Variants in GYG1 observed in about 807,000 individuals in gnomAD.
GYG1 encodes the protein glycogenin 1, also known as glycogenin-1.
A neutral mutation model predicts 41.9 loss-of-function variants in GYG1; 44 were observed. The observed-to-expected ratio is 1.05, with a 90% CI of 0.83 to 1.35. The LOEUF is 1.35. GYG1 is among the 40% of genes most tolerant of loss of function. GYG1 has a pLI of 0.00. For missense variants in GYG1, 429 were observed against 418.9 expected (o/e 1.02, Z -0.21); for synonymous variants, 141 against 158.1 (o/e 0.89, Z 0.81).
chr3:149,005,077 G>A (rs1713315282), intron 4 of GYG1, among the ~76,000 whole-genome samples: 1 of 152,182 alleles, frequency 6.6e-6, no homozygotes, highest in Admixed American at 6.5e-5. Context: ...GTCATTTTAA[G>A]TGGAATTGCT....
intron 4 of GYG1, among the ~76,000 whole-genome samples, chr3:149,002,718 A>G (rs1157563701): frequency 6.6e-6 from 1 of 152,126 alleles, no homozygotes; most frequent in Non-Finnish European, 1.5e-5. Flanking sequence ...ATTTTGTAGG[A>G]AGTTAGTTTT....
intron 5 of GYG1, among the ~76,000 whole-genome samples, chr3:149,023,373 T>C (rs564822292): frequency 1.3e-5 from 2 of 152,338 alleles, no homozygotes; most frequent in South Asian, 2.1e-4. Flanking sequence ...TTGTTTCCAG[T>C]TTTTGACTAT....
In GYG1 at chr3:149,030,587, T is replaced by C. The variant is rs965433962; in HGVS notation, c.*3654T>C. ...GTTTATACTTAATCTCACTGAAGTA[T>C]TGCTATATGGAGAACCCATACTCTG... is the stretch of plus-strand genomic sequence containing the variant. On this transcript the variant is annotated 3_prime_UTR_variant, in exon 8 of 8. Transcript: ENST00000345003. 2 of 152,226 alleles carry C rather than the reference T, an allele frequency of 1.3e-5. No homozygotes were observed. Among genetic ancestry groups the C allele is most frequent in the East Asian group, 3.8e-4 (2 of 5,196 alleles). 9.4% of individuals were successfully genotyped at this position (152,226 alleles called of 1,614,324 possible). A position where few individuals can be genotyped will look rare whatever the true frequency, so the allele number is the denominator to read the frequency against.
Position 149,030,884 on chromosome 3 carries a change from T to C in GYG1, c.*3951T>C, listed in dbSNP as rs1714958700. ...TGAGAGATTTGGCATATACCTTCAA[T>C]GTGTGCCCTATAACACAACATTGTC... On this transcript the variant is annotated 3_prime_UTR_variant, in exon 8 of 8. Coordinates refer to ENST00000345003, the MANE Select transcript of GYG1 (RefSeq NM_004130.4). The C allele has an allele frequency of 6.6e-6, 1 of 152,212 alleles. No individual in the cohort carries two copies. The highest frequency in any genetic ancestry group is 2.1e-4 in the South Asian group (1 of 4,834). The allele number at this position is 152,212 out of a possible 1,614,324, so 9.4% of individuals were successfully genotyped here.
intron 1 of GYG1, chr3:148,992,299 G>A (rs1712536641): frequency 6.5e-6 from 1 of 152,932 alleles, no homozygotes; most frequent in African/African-American, 2.4e-5. Context: ...CCCCAGCACT[G>A]GGAAGCTCCG....
Position 148,994,296 on chromosome 3 carries a change from CCCCAGCAT to C in GYG1, c.143+22_143+29del. On this transcript the variant is annotated intron_variant, in intron 2 of 7. Coordinates refer to ENST00000345003, the MANE Select transcript of GYG1 (RefSeq NM_004130.4). ...CCATGAGGTGAGGACCTCGCTGCCA[CCCCAGCAT>C]CCAAGGGGCTCTGACATCCTTCTCC... 6.2e-7 allele frequency: 1 copy of C among 1,613,192 alleles called. No homozygotes were observed. Among genetic ancestry groups the C allele is most frequent in the South Asian group, 1.1e-5 (1 of 91,052 alleles).
chr3:148,991,908 C>T (rs1222314647), intron 1 of GYG1, among the ~76,000 whole-genome samples: 1 of 152,214 alleles, frequency 6.6e-6, no homozygotes, highest in African/African-American at 2.4e-5. Context: ...TCTCCTCGTC[C>T]TTCCTCTTGC....
rs1434486806 is a variant in GYG1, at chr3:149,029,729, C to T, written c.*2796C>T. Among the ~76,000 whole-genome samples the T allele has an allele frequency of 6.6e-6, 1 of 152,184 alleles. No homozygotes were observed. The highest frequency in any genetic ancestry group is 1.5e-5 in the Non-Finnish European group (1 of 68,026). ...AAACAAAGCACACACTGCCGAAGAT[C>T]ATTAGTACTCACTGGTAACAAACTA... On this transcript the variant is annotated 3_prime_UTR_variant, in exon 8 of 8. Transcript: ENST00000345003.
intron 5 of GYG1, among the ~76,000 whole-genome samples, chr3:149,019,236 C>G (rs186459389): frequency 6.6e-6 from 1 of 152,318 alleles, no homozygotes; most frequent in East Asian, 1.9e-4. Context: ...TCATGCTTCT[C>G]TGTGCCTTCA....
intron 5 of GYG1, among the ~76,000 whole-genome samples, chr3:149,022,043 C>A (rs1487610787): frequency 6.6e-6 from 1 of 152,282 alleles, no homozygotes; most frequent in Admixed American, 6.5e-5. Flanking sequence ...CATCAGCTAC[C>A]CAGATCACAT....
At chr3:148,994,765 T>C (rs1490601174) in intron 2 of GYG1, among the ~76,000 whole-genome samples, 1 of 152,236 alleles carries the variant, frequency 6.6e-6, no homozygotes, top group African/African-American at 2.4e-5. Flanking sequence ...TTATTTACAA[T>C]ATAATACACT....
At chr3:149,019,502 A>AG (rs1714257454) in intron 5 of GYG1, among the ~76,000 whole-genome samples, 1 of 152,192 alleles carries the variant, frequency 6.6e-6, no homozygotes, top group East Asian at 1.9e-4. Context: ...ACCCACATTT[A>AG]GGACCCCTTA....
intron 1 of GYG1, among the ~76,000 whole-genome samples, chr3:148,992,013 G>T (rs765463253): frequency 1.3e-5 from 2 of 151,952 alleles, no homozygotes. Flanking sequence ...GGGAGTCCGG[G>T]GCGCAGCGGC....
intron 4 of GYG1, chr3:149,008,196 A>G (rs1418955333): frequency 2.6e-5 from 4 of 152,192 alleles, no homozygotes; most frequent in Admixed American, 1.3e-4. Context: ...AAACAATTCC[A>G]TTGTTCCAGT....
Position 148,996,755 on chromosome 3 carries a change from TTGA to T in GYG1, c.337_339del (p.Asp113del). 3 of 1,613,982 alleles carry T rather than the reference TTGA, an allele frequency of 1.9e-6. No homozygotes were observed. Among genetic ancestry groups the T allele is most frequent in the South Asian group, 1.1e-5 (1 of 91,084 alleles). Reference sequence around the variant, plus strand: ...CCCTTTGATCAGGTCCTAGCAAATATTGATGATCTTTTTGACAGAGAAGAATTG... The same window carrying T: ...CCCTTTGATCAGGTCCTAGCAAATATTGATCTTTTTGACAGAGAAGAATTG... On this transcript the variant is annotated inframe_deletion, in exon 4 of 8. Transcript: ENST00000345003.
intron 5 of GYG1, among the ~76,000 whole-genome samples, chr3:149,022,370 G>A (rs1714415135): frequency 6.6e-6 from 1 of 151,908 alleles, no homozygotes; most frequent in African/African-American, 2.4e-5. Context: ...CACAACCAGT[G>A]CCTTAGAACC....
intron 5 of GYG1, among the ~76,000 whole-genome samples, chr3:149,018,680 C>T (rs886103785): frequency 6.6e-6 from 1 of 152,128 alleles, no homozygotes; most frequent in African/African-American, 2.4e-5. Context: ...CAGGCCTGCT[C>T]TTCTCATAAA....
At chr3:149,005,068 T>A (rs1299479879) in intron 4 of GYG1, among the ~76,000 whole-genome samples, 1 of 152,220 alleles carries the variant, frequency 6.6e-6, no homozygotes, top group Non-Finnish European at 1.5e-5. Flanking sequence ...TAGCTGTTAG[T>A]CATTTTAAGT....
At chr3:149,004,643 A>G (rs1448519044) in intron 4 of GYG1, among the ~76,000 whole-genome samples, 1 of 152,238 alleles carries the variant, frequency 6.6e-6, no homozygotes, top group African/African-American at 2.4e-5. Flanking sequence ...TTTGGACTAA[A>G]TGATAAACCT....
Sources: gnomAD v4.1 joint callset for allele counts (sites outside exome capture counted in the v4.1 genomes callset) on GRCh38, gnomAD v4.1.1 for gene constraint, MANE v1.5 for transcripts, NCBI Gene and HGNC (gene_info 2026-07-23, HGNC 2026-07-21) for gene names.